The following DYNLL1 variants were observed in gnomAD, a reference collection of about 807,000 sequenced individuals.
The protein encoded by DYNLL1 is dynein light chain 1, cytoplasmic.
DYNLL1 carries 3 observed loss-of-function variants against 10.1 expected under a neutral mutation model. That is an observed-to-expected ratio of 0.30 (90% CI 0.14 to 0.77). The LOEUF is 0.77. Among genes scored for constraint, DYNLL1 ranks in the 30% least tolerant of loss-of-function variants. DYNLL1 has a pLI of 0.66. For synonymous variants in DYNLL1, 46 were observed against 41.2 expected (o/e 1.12, Z -0.45); for missense variants, 47 against 111.7 (o/e 0.42, Z 2.61).
chr12:120,476,351 G>A (rs1267118366), intron 1 of DYNLL1, among the ~76,000 whole-genome samples: 1 of 150,908 alleles, frequency 6.6e-6, no homozygotes, highest in African/African-American at 2.4e-5. Context: ...ATAACTGAAA[G>A]CCAGGAAGCT....
chr12:120,471,578 T>C (rs1241713371), intron 1 of DYNLL1, among the ~76,000 whole-genome samples: 1 of 152,050 alleles, frequency 6.6e-6, no homozygotes, highest in Non-Finnish European at 1.5e-5. Flanking sequence ...AATATACATA[T>C]ACCCTTCGAT....
chr12:120,479,457 A>AT (rs1878831272), intron 1 of DYNLL1, among the ~76,000 whole-genome samples: 2 of 88,034 alleles, frequency 2.3e-5, no homozygotes, highest in African/African-American at 6.6e-5. Flanking sequence ...TCCAAAAAAA[A>AT]AAAAAAAAAA....
chr12:120,496,328 C>A lies in DYNLL1; in HGVS notation c.-6-88C>A, dbSNP rs2233677. 1.4e-4 allele frequency: 225 copies of A among 1,562,490 alleles called. 3 individuals are homozygous for A. In the East Asian group the frequency reaches 5.1e-3, roughly 36 times the overall value. On this transcript the variant is annotated intron_variant, in intron 1 of 2. Coordinates refer to ENST00000242577, the MANE Select transcript of DYNLL1 (RefSeq NM_003746.3). ...TGAGAAGTGGGGTGGGGGGCGTCGT[C>A]CCGTGGTGGCGCCGGCCGGGGTGGG...
chr12:120,490,322 A>G (rs1879096452), intron 1 of DYNLL1: 1 of 152,322 alleles, frequency 6.6e-6, no homozygotes, highest in African/African-American at 2.4e-5. Context: ...CAGAAATCAG[A>G]TACCAACTAC....
At position 120,496,171 on chromosome 12, in the gene DYNLL1, A is replaced by ACC. The variant is rs774146121; in HGVS notation, c.-51_-50dup. On this transcript the variant is annotated 5_prime_UTR_variant, in exon 1 of 3. Coordinates refer to ENST00000242577, the MANE Select transcript of DYNLL1 (RefSeq NM_003746.3). ...CTAGCCGGGCCTGAGCTGTGCTAGC[A>ACC]CCTCCCCCAGGAGACCGTTGCAGTC... The ACC allele has an allele frequency of 7.1e-5, 43 of 604,732 alleles. No individual in the cohort carries two copies. The African/African-American group carries it at 7.5e-4, about 11-fold the overall frequency. 37.5% of individuals were successfully genotyped at this position (604,732 alleles called of 1,614,324 possible).
chr12:120,486,974 CTTT>C (rs530890471), intron 1 of DYNLL1, among the ~76,000 whole-genome samples: 15 of 132,886 alleles, frequency 1.1e-4, no homozygotes, highest in Admixed American at 3.0e-4. Context: ...ACAGGAGAAT[CTTT>C]TTTTTTTTTT....
Position 120,498,278 on chromosome 12 carries a change from A to G in DYNLL1, c.*68A>G, listed in dbSNP as rs537707183. The G allele has an allele frequency of 1.3e-6, 2 of 1,542,534 alleles. No individual in the cohort carries two copies. The highest frequency in any genetic ancestry group is 4.1e-5 in the Admixed American group (2 of 48,808). ...AAGGACTGCAGCCTAAATTCCAAATACCAGAGACTGAAATTTTCAGCCTTG... is the reference window on the plus strand; with the variant it reads ...AAGGACTGCAGCCTAAATTCCAAATGCCAGAGACTGAAATTTTCAGCCTTG... On this transcript the variant is annotated 3_prime_UTR_variant, in exon 3 of 3. Transcript: ENST00000242577.
At chr12:120,497,952 T>TCTAAGAATTTGCAGATGCTGACGTTCCTC in intron 2 of DYNLL1, 121 bp from the exon 3 acceptor site, 1 of 963,132 alleles carries the variant, frequency 1.0e-6, no homozygotes, top group South Asian at 1.8e-5. Flanking sequence ...ATTCTTTCAT[T>TCTAAGAATTTGCAGATGCTGACGTTCCTC]CTAAGAATTT....
intron 1 of DYNLL1, chr12:120,487,994 T>C (rs1879036182): frequency 6.6e-6 from 1 of 152,264 alleles, no homozygotes; most frequent in Non-Finnish European, 1.5e-5. Context: ...GATAATATTA[T>C]GAAGAATTTT....
intron 2 of DYNLL1, 83 bp from the exon 3 acceptor site, chr12:120,497,990 C>G: frequency 1.4e-6 from 2 of 1,385,470 alleles, no homozygotes; most frequent in South Asian, 2.8e-5. Context: ...TCCTTTCTGC[C>G]CCTACAGGCT....
chr12:120,476,941 T>C (rs557449620), intron 1 of DYNLL1, among the ~76,000 whole-genome samples: 1 of 150,694 alleles, frequency 6.6e-6, no homozygotes, highest in South Asian at 2.1e-4. Flanking sequence ...TTTTTGTTTT[T>C]TTTTTTGAGA....
chr12:120,495,392 GCA>G (rs919775796), upstream of DYNLL1: 12 of 152,076 alleles, frequency 7.9e-5, no homozygotes, highest in African/African-American at 2.7e-4. Flanking sequence ...AAGGATGTCC[GCA>G]TTGCTTGGCA....
At chr12:120,496,893 G>T (rs1195985922) in intron 2 of DYNLL1, 4 of 403,262 alleles carry the variant, frequency 9.9e-6, no homozygotes, top group African/African-American at 4.1e-5. Context: ...AGCTGCGTGG[G>T]TGTTTCCAGC....
chr12:120,472,286 A>G (rs1324852503), intron 1 of DYNLL1, among the ~76,000 whole-genome samples: 1 of 152,216 alleles, frequency 6.6e-6, no homozygotes, highest in East Asian at 1.9e-4. Flanking sequence ...TCAAATTGTA[A>G]TTAGCATGCA....
intron 1 of DYNLL1, among the ~76,000 whole-genome samples, chr12:120,482,002 C>G (rs1878888950): frequency 6.6e-6 from 1 of 152,206 alleles, no homozygotes; most frequent in Admixed American, 6.5e-5. Context: ...GTGTAAGCCA[C>G]CACGCTTGGC....
chr12:120,477,882 C>T (rs1288680141), intron 1 of DYNLL1, among the ~76,000 whole-genome samples: 1 of 151,964 alleles, frequency 6.6e-6, no homozygotes, highest in Admixed American at 6.6e-5. Flanking sequence ...CTGCAGCCTC[C>T]GCCTCCTGGG....
chr12:120,493,472 C>T (rs1879185190), upstream of DYNLL1, among the ~76,000 whole-genome samples: 1 of 151,546 alleles, frequency 6.6e-6, no homozygotes, highest in East Asian at 1.9e-4. Context: ...GATCGCGCCA[C>T]TGCACTCCAG....
At chr12:120,494,132 G>T (rs965829846), upstream of DYNLL1, among the ~76,000 whole-genome samples, 1 of 151,870 alleles carries the variant, frequency 6.6e-6, no homozygotes, top group Non-Finnish European at 1.5e-5. Flanking sequence ...CTCACTTGTT[G>T]TCAACCTATT....
At chr12:120,489,023 A>C (rs1206324677) in intron 1 of DYNLL1, among the ~76,000 whole-genome samples, 1 of 152,188 alleles carries the variant, frequency 6.6e-6, no homozygotes, top group Non-Finnish European at 1.5e-5. Flanking sequence ...TTAAGTAAGT[A>C]ATAGAGCTTC....
Sources: gnomAD v4.1 joint callset for allele counts (sites outside exome capture counted in the v4.1 genomes callset) on GRCh38, gnomAD v4.1.1 for gene constraint, MANE v1.5 for transcripts, NCBI Gene and HGNC (gene_info 2026-07-23, HGNC 2026-07-21) for gene names.